SNX3: variants seen among roughly 807,000 people sequenced by gnomAD.
The protein encoded by SNX3 is sorting nexin 3.
Under a neutral mutation model 17.7 loss-of-function variants are expected in SNX3, and 5 were observed. The observed-to-expected ratio is 0.28, with a 90% CI of 0.15 to 0.59. The LOEUF (loss-of-function observed/expected upper bound fraction) is 0.59, where lower values mean the gene tolerates loss of function less well. Ranked by LOEUF, SNX3 falls within the 20% of genes least tolerant of loss-of-function variation. The pLI, the probability that SNX3 is intolerant of heterozygous loss-of-function variation, is 0.88. For synonymous variants in SNX3, 91 were observed against 76.5 expected (o/e 1.19, Z -0.99); for missense variants, 132 against 206.8 (o/e 0.64, Z 2.22).
intron 2 of SNX3, among the ~76,000 whole-genome samples, chr6:108,218,999 T>C (rs1400504085): frequency 1.3e-5 from 2 of 152,228 alleles, no homozygotes; most frequent in African/African-American, 2.4e-5. Flanking sequence ...CAGTGAATTA[T>C]ACACTTTAAA....
Position 108,261,016 on chromosome 6 carries a change from G to C in SNX3, c.-95C>G. 8.2e-7 allele frequency: 1 copy of C among 1,214,000 alleles called. No homozygotes were observed. 75.2% of individuals were successfully genotyped at this position (1,214,000 alleles called of 1,614,324 possible). ...CTGCTGCCCGCCGTGGGGACACGGGGCTCGCGCGCAGCGGTCGCGAAGAGA... is the reference window on the plus strand; with the variant it reads ...CTGCTGCCCGCCGTGGGGACACGGGCCTCGCGCGCAGCGGTCGCGAAGAGA... On this transcript the variant is annotated 5_prime_UTR_variant, in exon 1 of 4. Transcript: ENST00000230085.
intron 2 of SNX3, among the ~76,000 whole-genome samples, chr6:108,221,466 A>G (rs1174049724): frequency 6.6e-6 from 1 of 151,978 alleles, no homozygotes; most frequent in Admixed American, 6.6e-5. Context: ...TTTATAAAAT[A>G]AAAAAATCTT....
In SNX3 at chr6:108,212,142, C is replaced by T. The variant is rs756483959; in HGVS notation, c.*7G>A. ...ATAGTCACGTTTTTGCCCCTTCTTG[C>T]CAAATTTCAGGCATGTCTTATTTTA... On this transcript the variant is annotated 3_prime_UTR_variant, in exon 4 of 4. Transcript: ENST00000230085. The T allele has an allele frequency of 1.2e-5, 18 of 1,546,392 alleles. No individual in the cohort carries two copies.
intron 3 of SNX3, 110 bp from the exon 4 acceptor site, chr6:108,212,364 G>A (rs1774432584): frequency 1.5e-6 from 1 of 685,940 alleles, no homozygotes; most frequent in Non-Finnish European, 2.4e-6. Flanking sequence ...TTTTGAGATG[G>A]AGTCTTGCTC....
At chr6:108,231,643 A>C (rs1293699272) in intron 1 of SNX3, among the ~76,000 whole-genome samples, 1 of 152,184 alleles carries the variant, frequency 6.6e-6, no homozygotes, top group African/African-American at 2.4e-5. Flanking sequence ...GATTCCTCCA[A>C]TAGTTATCTT....
chr6:108,236,932 T>C (rs1232423909), intron 1 of SNX3, among the ~76,000 whole-genome samples: 2 of 152,220 alleles, frequency 1.3e-5, no homozygotes, highest in Non-Finnish European at 2.9e-5. Context: ...GTAGTGCCAT[T>C]ACAATACTTT....
intron 1 of SNX3, among the ~76,000 whole-genome samples, chr6:108,254,804 G>A (rs150402063): frequency 6.6e-6 from 1 of 152,296 alleles, no homozygotes; most frequent in East Asian, 1.9e-4. Flanking sequence ...GCTGAGTCCT[G>A]CAGGATAAGT....
At chr6:108,240,795 T>C (rs1018765151) in intron 1 of SNX3, among the ~76,000 whole-genome samples, 1 of 152,090 alleles carries the variant, frequency 6.6e-6, no homozygotes, top group African/African-American at 2.4e-5. Context: ...ACCAGAAGAA[T>C]TACATAGCCA....
intron 1 of SNX3, among the ~76,000 whole-genome samples, chr6:108,251,188 A>G (rs1775846007): frequency 6.6e-6 from 1 of 152,178 alleles, no homozygotes. Context: ...TAACAAAATT[A>G]ATTATCATGA....
chr6:108,260,583 C>T (rs1026920608), intron 1 of SNX3, among the ~76,000 whole-genome samples, 177 bp downstream of exon 1: 1 of 152,142 alleles, frequency 6.6e-6, no homozygotes, highest in Non-Finnish European at 1.5e-5. Context: ...CGCTCTGCAG[C>T]CCCCCACACC....
intron 1 of SNX3, among the ~76,000 whole-genome samples, chr6:108,251,460 C>T (rs1480135505): frequency 2.0e-5 from 3 of 152,152 alleles, no homozygotes; most frequent in Non-Finnish European, 4.4e-5. Flanking sequence ...TCTTTTGTAG[C>T]TAAGTACAGC....
chr6:108,250,653 C>A (rs79401348), intron 1 of SNX3, among the ~76,000 whole-genome samples: 6,341 of 152,210 alleles, frequency 0.042, 197 homozygotes, highest in Non-Finnish European at 0.063. Flanking sequence ...ATACCAAGAC[C>A]AGACACAAGG....
chr6:108,260,570 G>C (rs752275990), intron 1 of SNX3, among the ~76,000 whole-genome samples, 190 bp downstream of exon 1: 1 of 152,156 alleles, frequency 6.6e-6, no homozygotes. Flanking sequence ...AGCGCGCCGG[G>C]CTCGCTCTGC....
chr6:108,223,915 T>G (rs538190610), intron 1 of SNX3, among the ~76,000 whole-genome samples: 29 of 152,318 alleles, frequency 1.9e-4, no homozygotes, highest in Admixed American at 1.8e-3. Context: ...GTCATTTTCT[T>G]ATTATTTCAG....
chr6:108,246,319 T>C (rs1775688976), intron 1 of SNX3, among the ~76,000 whole-genome samples: 1 of 114,156 alleles, frequency 8.8e-6, no homozygotes, highest in Non-Finnish European at 1.8e-5. Flanking sequence ...CATTCTTTTT[T>C]TTTTTTTTTT....
At chr6:108,230,652 A>G (rs894891895) in intron 1 of SNX3, among the ~76,000 whole-genome samples, 3 of 152,222 alleles carry the variant, frequency 2.0e-5, no homozygotes, top group African/African-American at 7.2e-5. Flanking sequence ...ATGGAGTTCA[A>G]AAGTTCTGCA....
intron 2 of SNX3, among the ~76,000 whole-genome samples, chr6:108,215,194 C>CAA (rs1774529915): frequency 6.6e-6 from 1 of 150,514 alleles, no homozygotes; most frequent in South Asian, 2.1e-4. Flanking sequence ...CTAAAAAATA[C>CAA]AAAAAATGAG....
chr6:108,214,645 C>G, intron 2 of SNX3, 23 bp from the exon 3 acceptor site: 1 of 1,604,660 alleles, frequency 6.2e-7, no homozygotes, highest in Non-Finnish European at 8.5e-7. Context: ...GACAGAAACT[C>G]CTTGATCATG....
chr6:108,230,783 A>C (rs1293588846), intron 1 of SNX3, among the ~76,000 whole-genome samples: 2 of 152,192 alleles, frequency 1.3e-5, no homozygotes, highest in African/African-American at 2.4e-5. Flanking sequence ...TCAGGGCCCA[A>C]ACTAACATTA....
Sources: gnomAD v4.1 joint callset for allele counts (sites outside exome capture counted in the v4.1 genomes callset) on GRCh38, gnomAD v4.1.1 for gene constraint, MANE v1.5 for transcripts, NCBI Gene and HGNC (gene_info 2026-07-23, HGNC 2026-07-21) for gene names.